DNAH7: variants seen among roughly 807,000 people sequenced by gnomAD.
DNAH7 encodes the protein axonemal beta dynein heavy chain 7.
In DNAH7, 397 loss-of-function variants were observed where a neutral mutation model predicts 444.6. The ratio of observed to expected loss-of-function variants is 0.89; its 90% CI spans 0.82 to 0.97. DNAH7 has a LOEUF of 0.97. DNAH7 is among the 50% of genes least tolerant of loss of function. The probability of loss-of-function intolerance (pLI) is 0.00; values close to 1 mark genes in which losing one functional copy is unlikely to be tolerated. For missense variants in DNAH7, 4,902 were observed against 4,800.8 expected (o/e 1.02, Z -0.62); for synonymous variants, 1,636 against 1,624.4 (o/e 1.01, Z -0.17).
chr2:196,005,311 T>A lies in DNAH7; in HGVS notation c.990-3453A>T, dbSNP rs529232235. Among the ~76,000 whole-genome samples, 351 of 149,570 alleles carry A rather than the reference T, an allele frequency of 2.3e-3. 2 individuals carry two copies. The highest frequency in any genetic ancestry group is 7.4e-3 in the African/African-American group (296 of 40,218). Reference sequence around the variant, plus strand: ...ACAAACAAACAAACAAACAAAAATATATATATATATATAACTAAACTCAAA... The same window carrying A: ...ACAAACAAACAAACAAACAAAAATAAATATATATATATAACTAAACTCAAA... On this transcript the variant is annotated intron_variant, in intron 10 of 64. Transcript: ENST00000312428.
chr2:196,044,677 A>G (rs1696991221), intron 5 of DNAH7, among the ~76,000 whole-genome samples: 1 of 152,178 alleles, frequency 6.6e-6, no homozygotes, highest in African/African-American at 2.4e-5. Flanking sequence ...TTATTCTTTA[A>G]TTCTACAGCC....
intron 19 of DNAH7, among the ~76,000 whole-genome samples, chr2:195,948,146 T>A (rs1689950540): frequency 6.6e-6 from 1 of 152,196 alleles, no homozygotes. Context: ...GGGTTGTTTT[T>A]TTTCTTGTAA....
intron 1 of DNAH7, among the ~76,000 whole-genome samples, chr2:196,066,096 T>C (rs1698414424): frequency 6.6e-6 from 1 of 152,214 alleles, no homozygotes; most frequent in Non-Finnish European, 1.5e-5. Context: ...ATAGCCTGGC[T>C]TTGCATTTTG....
At position 195,864,684 on chromosome 2, in the gene DNAH7, C is replaced by T. The variant is rs992819121; in HGVS notation, c.6971G>A (p.Ser2324Asn). The T allele has an allele frequency of 1.9e-6, 3 of 1,614,080 alleles. No individual in the cohort carries two copies. Among genetic ancestry groups the T allele is most frequent in the Non-Finnish European group, 2.5e-6 (3 of 1,180,044 alleles). ...CTGCTTCAGGATCCTGGAAATTCTG[C>T]TGATGTGCTCTATGGCAAATCGAAA... Reference protein sequence around the residue: ...VLFRFAIEHISRISRILKQPR... With the variant: ...VLFRFAIEHINRISRILKQPR... Residue 2324 changes from serine (S) to asparagine (N), a missense_variant, in exon 41 of 65, where the codon AGC (serine) becomes AAC (asparagine). Physicochemically the swap from Ser to Asn is conservative, Grantham distance 46 (BLOSUM62 1). Coordinates refer to ENST00000312428, the MANE Select transcript of DNAH7 (RefSeq NM_018897.3).
intron 12 of DNAH7, among the ~76,000 whole-genome samples, chr2:195,988,624 TG>T (rs1693086949): frequency 6.6e-6 from 1 of 152,178 alleles, no homozygotes; most frequent in Non-Finnish European, 1.5e-5. Flanking sequence ...CATTGTGTAT[TG>T]ATCAAATCAA....
At chr2:196,062,944 G>A (rs1372390912) in intron 1 of DNAH7, among the ~76,000 whole-genome samples, 6 of 152,192 alleles carry the variant, frequency 3.9e-5, no homozygotes, top group East Asian at 1.9e-4. Context: ...GTGCAGTGGC[G>A]CAATCTCGGC....
intron 9 of DNAH7, among the ~76,000 whole-genome samples, chr2:196,013,578 A>G (rs1480339028): frequency 6.6e-6 from 1 of 152,224 alleles, no homozygotes; most frequent in African/African-American, 2.4e-5. Flanking sequence ...GACCAATGTA[A>G]AATACTGGTT....
Position 195,799,353 on chromosome 2 carries a change from G to T in DNAH7, c.10296C>A (p.Phe3432Leu). Residue 3432 changes from phenylalanine (F) to leucine (L), a missense_variant, in exon 55 of 65, where the codon TTC becomes TTA. Transcript: ENST00000312428. ...GDSNCCAPLI[F>L]VLSPGADPMA... ...TGGGATCTGCTCCAGGAGAGAGCAC[G>T]AAAATCAGTGGTGCACAGCAGTTAC... 2 of 1,611,900 alleles carry T rather than the reference G, an allele frequency of 1.2e-6. No individual in the cohort carries two copies. Among genetic ancestry groups the T allele is most frequent in the African/African-American group, 1.3e-5 (1 of 74,966 alleles).
rs369236671 is a variant in DNAH7 at position 195,957,165 on chromosome 2, C to T, written c.3078+96G>A. 1,678 of 1,046,864 alleles carry T rather than the reference C, an allele frequency of 1.6e-3. 2 individuals carry two copies. The Middle Eastern group carries it at 0.018, about 11-fold the overall frequency. 64.8% of individuals were successfully genotyped at this position (1,046,864 alleles called of 1,614,324 possible). A position where few individuals can be genotyped will look rare whatever the true frequency, so the allele number is the denominator to read the frequency against. The stretch of plus-strand genomic sequence containing the variant: ...AATGTATGTATGAAACAGATAATGG[C>T]TTATTGGAAACAATAATGGCTTATA... On this transcript the variant is annotated intron_variant, in intron 19 of 64. Coordinates refer to ENST00000312428, the MANE Select transcript of DNAH7 (RefSeq NM_018897.3).
intron 61 of DNAH7, among the ~76,000 whole-genome samples, chr2:195,761,767 A>G (rs1308719562): frequency 6.6e-6 from 1 of 152,158 alleles, no homozygotes; most frequent in African/African-American, 2.4e-5. Flanking sequence ...AGAAATAAAG[A>G]GACTTTCCCA....
At chr2:195,995,112 T>C (rs1693610091) in intron 12 of DNAH7, 1 of 246,584 alleles carries the variant, frequency 4.1e-6, no homozygotes, top group South Asian at 5.0e-5. Flanking sequence ...GTATTTTTAG[T>C]AGAGACAGGG....
chr2:195,753,750 A>C (rs1466714007), intron 63 of DNAH7, among the ~76,000 whole-genome samples: 3 of 152,206 alleles, frequency 2.0e-5, no homozygotes, highest in Non-Finnish European at 4.4e-5. Flanking sequence ...GGTAGCCATA[A>C]AGTGTAGACA....
intron 9 of DNAH7, among the ~76,000 whole-genome samples, chr2:196,018,408 C>A (rs1192628948): frequency 2.0e-5 from 3 of 152,024 alleles, no homozygotes; most frequent in African/African-American, 7.2e-5. Flanking sequence ...ATCTAGTTAT[C>A]CCACTTTTGT....
At chr2:195,745,327 C>A (rs1693328239) in intron 63 of DNAH7, among the ~76,000 whole-genome samples, 1 of 152,138 alleles carries the variant, frequency 6.6e-6, no homozygotes, top group Admixed American at 6.5e-5. Context: ...AAGAAATGAA[C>A]AAAGCCTCCA....
chr2:195,825,475 T>C (rs778887892), intron 48 of DNAH7, among the ~76,000 whole-genome samples: 14 of 152,240 alleles, frequency 9.2e-5, no homozygotes, highest in Non-Finnish European at 1.8e-4. Flanking sequence ...TTTTAATCAC[T>C]GCATAATAGT....
intron 58 of DNAH7, among the ~76,000 whole-genome samples, chr2:195,779,955 C>T (rs917290211): frequency 2.6e-5 from 4 of 152,018 alleles, no homozygotes; most frequent in African/African-American, 4.8e-5. Context: ...TATAAACTGA[C>T]TTTTATTTTT....
chr2:195,853,178 C>A (rs1324899034), intron 46 of DNAH7, among the ~76,000 whole-genome samples, 165 bp downstream of exon 46: 4 of 151,906 alleles, frequency 2.6e-5, no homozygotes, highest in Non-Finnish European at 5.9e-5. Context: ...TTTGGCTAAC[C>A]AGCTAATTTA....
In DNAH7 at chr2:195,853,330, T is replaced by G. The variant is rs370848445; in HGVS notation, c.8781+13A>C. On this transcript the variant is annotated intron_variant, in intron 46 of 64. Coordinates refer to ENST00000312428, the MANE Select transcript of DNAH7 (RefSeq NM_018897.3). ...GGCAGAGGGTCAGGAAGAGATGGAATAGTGTCCCTTACCTGTCTATAGGTG... is the reference window on the plus strand; with the variant it reads ...GGCAGAGGGTCAGGAAGAGATGGAAGAGTGTCCCTTACCTGTCTATAGGTG... The G allele has an allele frequency of 6.2e-7, 1 of 1,608,686 alleles. No homozygotes were observed. Among genetic ancestry groups the G allele is most frequent in the African/African-American group, 1.3e-5 (1 of 74,894 alleles).
chr2:195,768,960 T>C (rs1317763850), intron 61 of DNAH7, among the ~76,000 whole-genome samples: 1 of 152,186 alleles, frequency 6.6e-6, no homozygotes, highest in Admixed American at 6.5e-5. Flanking sequence ...GAATGTGATA[T>C]AAAATTGTCC....
Sources: allele counts gnomAD v4.1 joint callset (sites outside exome capture counted in the v4.1 genomes callset), GRCh38; gene constraint gnomAD v4.1.1; transcripts MANE v1.5; gene names NCBI Gene and HGNC (gene_info 2026-07-23, HGNC 2026-07-21).